CCDC192: variants seen among roughly 807,000 people sequenced by gnomAD.
CCDC192 encodes the protein coiled-coil domain containing 192, also known as coiled-coil domain-containing protein 192.
At chr5:127,811,394 A>AT (rs1238118631) in intron 5 of CCDC192, among the ~76,000 whole-genome samples, 1 of 152,114 alleles carries the variant, frequency 6.6e-6, no homozygotes, top group African/African-American at 2.4e-5. Context: ...AGTAGCAGCA[A>AT]TTCCTCTTTA....
chr5:127,832,123 TG>T (rs1749824699), intron 5 of CCDC192, among the ~76,000 whole-genome samples: 1 of 152,112 alleles, frequency 6.6e-6, no homozygotes, highest in Non-Finnish European at 1.5e-5. Context: ...CAAATAAAAC[TG>T]AATAGCTAGT....
intron 3 of CCDC192, among the ~76,000 whole-genome samples, chr5:127,795,709 T>G (rs989081530): frequency 6.6e-6 from 1 of 152,048 alleles, no homozygotes; most frequent in Admixed American, 6.6e-5. Flanking sequence ...GCCTCCCTAG[T>G]AGCTGGGACT....
intron 2 of CCDC192, among the ~76,000 whole-genome samples, chr5:127,732,336 A>G (rs1561452589): frequency 6.6e-6 from 1 of 152,164 alleles, no homozygotes; most frequent in Non-Finnish European, 1.5e-5. Flanking sequence ...TAAAAAGTCA[A>G]GAAACAACAG....
In CCDC192 at chr5:127,831,962, A is replaced by G. The variant is rs566916454; in HGVS notation, c.411+33800A>G. 9.2e-5 allele frequency among the ~76,000 whole-genome samples: 14 copies of G among 152,242 alleles called. 1 individual carries two copies. The South Asian group carries it at 2.9e-3, about 32-fold the overall frequency. The stretch of plus-strand genomic sequence containing the variant: ...TGCTAATTTAAAAATGCAAGATAAA[A>G]ATAGCATAGTAAATTCAAATAAATA... On this transcript the variant is annotated intron_variant, in intron 5 of 6. Transcript: ENST00000514853.
chr5:127,790,508 T>C (rs1235707982), intron 3 of CCDC192, among the ~76,000 whole-genome samples: 1 of 152,238 alleles, frequency 6.6e-6, no homozygotes, highest in Admixed American at 6.5e-5. Context: ...CAATAAATTA[T>C]TGTTAACCAT....
At chr5:127,736,942 A>T (rs377183715) in intron 2 of CCDC192, among the ~76,000 whole-genome samples, 11 of 150,488 alleles carry the variant, frequency 7.3e-5, no homozygotes, top group Non-Finnish European at 7.4e-5. Flanking sequence ...AGTTCTGCTC[A>T]GATTTTAGTT....
At chr5:127,812,905 C>T (rs1758157739) in intron 5 of CCDC192, among the ~76,000 whole-genome samples, 1 of 152,230 alleles carries the variant, frequency 6.6e-6, no homozygotes, top group African/African-American at 2.4e-5. Context: ...TTTACTTTCT[C>T]AGCTTCCTGG....
chr5:127,735,411 G>A (rs1348933770), intron 2 of CCDC192, among the ~76,000 whole-genome samples: 1 of 148,872 alleles, frequency 6.7e-6, no homozygotes, highest in African/African-American at 2.6e-5. Flanking sequence ...GGAAATGTGG[G>A]CTCTTTTTTG....
chr5:127,716,610 C>T (rs927138603), intron 2 of CCDC192, among the ~76,000 whole-genome samples: 1 of 151,988 alleles, frequency 6.6e-6, no homozygotes, highest in Non-Finnish European at 1.5e-5. Context: ...ATGTTTTATT[C>T]TTGATAGGTT....
chr5:127,751,234 A>G (rs1311759988), intron 2 of CCDC192, among the ~76,000 whole-genome samples: 1 of 151,826 alleles, frequency 6.6e-6, no homozygotes, highest in African/African-American at 2.4e-5. Context: ...TCTTGGCATG[A>G]TTTTGCAGCA....
In CCDC192 at chr5:127,887,864, C is replaced by T. The variant is rs192033784; in HGVS notation, c.535+12203C>T. On this transcript the variant is annotated intron_variant, in intron 6 of 6. Transcript: ENST00000514853. Reference sequence around the variant, plus strand: ...GACTACAGGCGCTCACCACCATGCCCGACTAATTTTTTGTATATTTAGTAG... The same window carrying T: ...GACTACAGGCGCTCACCACCATGCCTGACTAATTTTTTGTATATTTAGTAG... Among the ~76,000 whole-genome samples, 341 of 151,702 alleles carry T rather than the reference C, an allele frequency of 2.2e-3. 2 individuals carry two copies. Among genetic ancestry groups the T allele is most frequent in the Admixed American group, 4.7e-3 (72 of 15,244 alleles).
chr5:127,717,498 T>A (rs889794838), intron 2 of CCDC192, among the ~76,000 whole-genome samples: 1 of 146,142 alleles, frequency 6.8e-6, no homozygotes, highest in African/African-American at 2.6e-5. Context: ...GTAATTGGGA[T>A]TTTTTTTTTG....
At chr5:127,789,868 G>A (rs548122632) in intron 3 of CCDC192, among the ~76,000 whole-genome samples, 2 of 152,204 alleles carry the variant, frequency 1.3e-5, no homozygotes, top group Non-Finnish European at 2.9e-5. Flanking sequence ...AGCCATGATG[G>A]TGAGGTCACC....
At chr5:127,728,200 T>A (rs576247668) in intron 2 of CCDC192, among the ~76,000 whole-genome samples, 1 of 152,060 alleles carries the variant, frequency 6.6e-6, no homozygotes, top group African/African-American at 2.4e-5. Context: ...AGAACCCCAA[T>A]AAGATACTCC....
chr5:127,890,734 A>G (rs948971558), intron 6 of CCDC192, among the ~76,000 whole-genome samples: 2 of 152,216 alleles, frequency 1.3e-5, no homozygotes, highest in Non-Finnish European at 2.9e-5. Flanking sequence ...CCTGACATTC[A>G]GGGCCCTCTA....
intron 6 of CCDC192, among the ~76,000 whole-genome samples, chr5:127,930,540 G>A (rs928792462): frequency 6.6e-6 from 1 of 152,176 alleles, no homozygotes; most frequent in Non-Finnish European, 1.5e-5. Context: ...ACTCATAGGA[G>A]GAAGTAAGAG....
intron 5 of CCDC192, among the ~76,000 whole-genome samples, chr5:127,863,503 C>G (rs1022833876): frequency 6.6e-6 from 1 of 152,120 alleles, no homozygotes; most frequent in Non-Finnish European, 1.5e-5. Flanking sequence ...CTAGAAGAGT[C>G]AAATACACAG....
At chr5:127,931,255 C>T (rs1290692817) in intron 6 of CCDC192, among the ~76,000 whole-genome samples, 3 of 152,182 alleles carry the variant, frequency 2.0e-5, no homozygotes, top group African/African-American at 7.2e-5. Context: ...GGAAATAGAT[C>T]TATTCATCCA....
intron 3 of CCDC192, chr5:127,784,511 G>C: frequency 2.8e-6 from 1 of 352,810 alleles, no homozygotes; most frequent in Non-Finnish European, 5.4e-6. Context: ...TAAAAAGGGA[G>C]GTACAATGGT....
Sources: gnomAD v4.1 joint callset for allele counts (sites outside exome capture counted in the v4.1 genomes callset) on GRCh38, gnomAD v4.1.1 for gene constraint, MANE v1.5 for transcripts, NCBI Gene and HGNC (gene_info 2026-07-23, HGNC 2026-07-21) for gene names.